KPNA3: variants seen among roughly 807,000 people sequenced by gnomAD.
KPNA3 encodes the protein karyopherin subunit alpha 3, also known as importin subunit alpha-4.
Under a neutral mutation model 73.8 loss-of-function variants are expected in KPNA3, and 13 were observed. The observed-to-expected ratio is 0.18, with a 90% CI of 0.11 to 0.28. The LOEUF (loss-of-function observed/expected upper bound fraction) is 0.28, where lower values mean the gene tolerates loss of function less well. Among genes scored for constraint, KPNA3 ranks in the 10% least tolerant of loss-of-function variants. The probability of loss-of-function intolerance (pLI) is 1.00; values close to 1 mark genes in which losing one functional copy is unlikely to be tolerated. For synonymous variants in KPNA3, 186 were observed against 206.9 expected (o/e 0.90, Z 0.87); for missense variants, 360 against 618.1 (o/e 0.58, Z 4.43).
At position 49,704,422 on chromosome 13, in the gene KPNA3, A is replaced by AG. The variant is rs1028051792; in HGVS notation, c.1372+1198_1372+1199insC. On this transcript the variant is annotated intron_variant, in intron 15 of 16. Transcript: ENST00000261667. ...AGCGAAACTCTGTCTCAAAAAAAAA[A>AG]TAAATAAATAAAAAATAAATAAATA... Among the ~76,000 whole-genome samples, 9 of 117,440 alleles carry AG rather than the reference A, an allele frequency of 7.7e-5. No individual in the cohort carries two copies. The Admixed American group carries it at 8.8e-4, about 11-fold the overall frequency. 77.0% of individuals were successfully genotyped at this position (117,440 alleles called of 152,430 possible).
intron 1 of KPNA3, among the ~76,000 whole-genome samples, chr13:49,754,815 T>TCA (rs1275375143): frequency 2.0e-5 from 3 of 152,124 alleles, no homozygotes; most frequent in African/African-American, 7.2e-5. Flanking sequence ...GCAAGAACTA[T>TCA]CACACCTCAC....
chr13:49,752,412 T>C lies in KPNA3; in HGVS notation c.70-5419A>G, dbSNP rs551081148. ...CTATCAAAAAATGGACAGGAAAGGA[T>C]TGGCGTTGAAGCCCATGCTGTAAGA... On this transcript the variant is annotated intron_variant, in intron 1 of 16. Transcript: ENST00000261667. Among the ~76,000 whole-genome samples, 8 of 152,334 alleles carry C rather than the reference T, an allele frequency of 5.3e-5. No homozygotes were observed. The South Asian group carries it at 1.2e-3, about 24-fold the overall frequency.
intron 1 of KPNA3, among the ~76,000 whole-genome samples, chr13:49,778,832 T>G (rs963129072): frequency 6.6e-6 from 1 of 152,160 alleles, no homozygotes; most frequent in Non-Finnish European, 1.5e-5. Context: ...GGTCTTGAAC[T>G]CCTAGTCTCA....
intron 9 of KPNA3, among the ~76,000 whole-genome samples, chr13:49,720,207 C>G (rs1300666223): frequency 1.3e-5 from 2 of 152,192 alleles, no homozygotes; most frequent in Non-Finnish European, 2.9e-5. Flanking sequence ...CCGTAATTGT[C>G]TCACTTACCT....
intron 1 of KPNA3, among the ~76,000 whole-genome samples, chr13:49,748,467 T>C (rs1321914738): frequency 6.6e-6 from 1 of 152,122 alleles, no homozygotes; most frequent in Non-Finnish European, 1.5e-5. Flanking sequence ...ATAAAGGCTA[T>C]ATGATCATGG....
intron 12 of KPNA3, among the ~76,000 whole-genome samples, chr13:49,708,800 A>C (rs766560173): frequency 1.3e-5 from 2 of 152,230 alleles, no homozygotes; most frequent in Non-Finnish European, 2.9e-5. Context: ...TAGTAAGTAC[A>C]TATTACACAA....
intron 10 of KPNA3, among the ~76,000 whole-genome samples, chr13:49,716,228 G>A (rs778278519): frequency 3.9e-5 from 6 of 152,040 alleles, no homozygotes; most frequent in South Asian, 2.1e-4. Flanking sequence ...CTGGGCTCAA[G>A]CGATTTTCTT....
intron 16 of KPNA3, 84 bp downstream of exon 16, chr13:49,702,302 A>C: frequency 1.3e-6 from 1 of 742,936 alleles, no homozygotes; most frequent in Non-Finnish European, 2.3e-6. Context: ...CATCCTAATA[A>C]TAAAAGGAAA....
intron 11 of KPNA3, 136 bp from the exon 12 acceptor site, chr13:49,709,836 A>T: frequency 1.6e-6 from 1 of 634,570 alleles, no homozygotes; most frequent in South Asian, 3.8e-5. Flanking sequence ...AGCACCAAGC[A>T]GTCTGAGAGC....
At chr13:49,721,423 C>A (rs890373103) in intron 9 of KPNA3, among the ~76,000 whole-genome samples, 7 of 151,950 alleles carry the variant, frequency 4.6e-5, no homozygotes, top group East Asian at 3.9e-4. Flanking sequence ...TGCAGATAAT[C>A]AAAAAAATAG....
chr13:49,737,413 T>C (rs1386292020), intron 2 of KPNA3, among the ~76,000 whole-genome samples: 1 of 152,232 alleles, frequency 6.6e-6, no homozygotes, highest in African/African-American at 2.4e-5. Flanking sequence ...AGTTGTGGCT[T>C]TAATCTCTAT....
chr13:49,773,038 G>A (rs1324672883), intron 1 of KPNA3, among the ~76,000 whole-genome samples: 2 of 152,094 alleles, frequency 1.3e-5, no homozygotes, highest in Non-Finnish European at 2.9e-5. Flanking sequence ...ATGAATATGA[G>A]TCAGCAATTA....
intron 1 of KPNA3, among the ~76,000 whole-genome samples, chr13:49,760,583 G>GT (rs903921589): frequency 6.6e-6 from 1 of 152,180 alleles, no homozygotes; most frequent in African/African-American, 2.4e-5. Flanking sequence ...TGTGGACCTT[G>GT]TAATAGTTGA....
chr13:49,784,845 A>G (rs1954969037), intron 1 of KPNA3, among the ~76,000 whole-genome samples: 1 of 152,228 alleles, frequency 6.6e-6, no homozygotes, highest in African/African-American at 2.4e-5. Flanking sequence ...ATGAAGATAC[A>G]TAGTCTGTGC....
chr13:49,710,216 C>T (rs1039475827), intron 11 of KPNA3, among the ~76,000 whole-genome samples: 1 of 152,234 alleles, frequency 6.6e-6, no homozygotes, highest in African/African-American at 2.4e-5. Context: ...GAGCAGAGAT[C>T]GCGCCACCAT....
At chr13:49,776,329 C>G (rs987262532) in intron 1 of KPNA3, among the ~76,000 whole-genome samples, 1 of 152,108 alleles carries the variant, frequency 6.6e-6, no homozygotes, top group African/African-American at 2.4e-5. Context: ...AGCCATAGTC[C>G]CTGACAGTAA....
intron 10 of KPNA3, 47 bp from the exon 11 acceptor site, chr13:49,711,069 G>A (rs372097068): frequency 3.9e-5 from 60 of 1,553,310 alleles, no homozygotes; most frequent in Middle Eastern, 1.7e-4. Flanking sequence ...TTGTTTGAAT[G>A]CTTTACTTGT....
chr13:49,783,949 T>A (rs994416579), intron 1 of KPNA3, among the ~76,000 whole-genome samples: 2 of 152,204 alleles, frequency 1.3e-5, no homozygotes, highest in Admixed American at 6.5e-5. Context: ...TAATCAAGAC[T>A]TTAAATCAAA....
In KPNA3 at chr13:49,703,541, T is replaced by C. The variant is rs543766378; in HGVS notation, c.1373-1061A>G. Among the ~76,000 whole-genome samples the C allele has an allele frequency of 3.9e-5, 6 of 152,328 alleles. No individual in the cohort carries two copies. In the South Asian group the frequency reaches 1.2e-3, roughly 32 times the overall value. The stretch of plus-strand genomic sequence containing the variant: ...TATCTTTCTCTTTGTTTTCCAAATG[T>C]TATTACCTTTATATAACCACAAAAT... On this transcript the variant is annotated intron_variant, in intron 15 of 16. Transcript: ENST00000261667.
Sources: gnomAD v4.1 joint callset for allele counts (sites outside exome capture counted in the v4.1 genomes callset) on GRCh38, gnomAD v4.1.1 for gene constraint, MANE v1.5 for transcripts, NCBI Gene and HGNC (gene_info 2026-07-23, HGNC 2026-07-21) for gene names.